AKAP19: variants seen among roughly 807,000 people sequenced by gnomAD.
AKAP19 encodes the protein small A-kinase anchoring protein.
chr2:189,920,952 T>C, the AKAP19 span, among the ~76,000 whole-genome samples: 84 of 152,340 alleles, frequency 5.5e-4, 1 homozygote, highest in South Asian at 0.017. Context: ...CAAAGTCAAT[T>C]GCTACACCTC....
chr2:189,886,802 A>T, the AKAP19 span, among the ~76,000 whole-genome samples: 1 of 152,204 alleles, frequency 6.6e-6, no homozygotes, highest in East Asian at 1.9e-4. Context: ...CATAGCAAAC[A>T]TTCAGAACTG....
the AKAP19 span, among the ~76,000 whole-genome samples, chr2:189,905,670 A>G: frequency 6.6e-6 from 1 of 152,082 alleles, no homozygotes; most frequent in Admixed American, 6.6e-5. Flanking sequence ...GCAGTACTGC[A>G]TATGAATTTC....
chr2:189,963,696 G>T, the AKAP19 span, among the ~76,000 whole-genome samples: 101 of 152,086 alleles, frequency 6.6e-4, 1 homozygote, highest in South Asian at 0.013. Context: ...ATAGGAGGTT[G>T]TCAGTTTACT....
the AKAP19 span, among the ~76,000 whole-genome samples, chr2:189,995,152 G>A: frequency 2.0e-5 from 3 of 152,144 alleles, no homozygotes; most frequent in East Asian, 5.8e-4. Context: ...TTGTTCTAGG[G>A]TATAGTTTAA....
chr2:190,199,904 T>C, the AKAP19 span: 11 of 1,613,862 alleles, frequency 6.8e-6, no homozygotes, highest in African/African-American at 4.0e-5. Flanking sequence ...TTTCCTACCA[T>C]ATATGAAGGT....
the AKAP19 span, among the ~76,000 whole-genome samples, chr2:189,934,069 C>T: frequency 2.0e-5 from 3 of 152,204 alleles, no homozygotes; most frequent in Middle Eastern, 0.01. Flanking sequence ...CCATTCTGTA[C>T]ACCTTGGTAG....
At chr2:189,982,160 T>G in the AKAP19 span, among the ~76,000 whole-genome samples, 1 of 152,202 alleles carries the variant, frequency 6.6e-6, no homozygotes, top group Non-Finnish European at 1.5e-5. Context: ...ATAGGTTTGG[T>G]CACTTTACAT....
At chr2:190,193,815 T>G in the AKAP19 span, among the ~76,000 whole-genome samples, 2 of 152,288 alleles carry the variant, frequency 1.3e-5, no homozygotes, top group Non-Finnish European at 2.9e-5. Context: ...TGTTCTTACC[T>G]ACTTCTGTCT....
the AKAP19 span, among the ~76,000 whole-genome samples, chr2:190,145,550 A>G: frequency 6.6e-6 from 1 of 152,128 alleles, no homozygotes; most frequent in Non-Finnish European, 1.5e-5. Context: ...AGATTATAAT[A>G]CCATATTTTT....
At chr2:190,125,268 C>T in the AKAP19 span, among the ~76,000 whole-genome samples, 1 of 152,092 alleles carries the variant, frequency 6.6e-6, no homozygotes, top group Non-Finnish European at 1.5e-5. Flanking sequence ...AATGTTTCAG[C>T]TGCAGATAAT....
the AKAP19 span, among the ~76,000 whole-genome samples, chr2:189,990,080 AAC>A: frequency 6.6e-6 from 1 of 152,172 alleles, no homozygotes; most frequent in African/African-American, 2.4e-5. Context: ...AAGAGAAGAA[AAC>A]ACAGTTTACT....
the AKAP19 span, among the ~76,000 whole-genome samples, chr2:190,001,766 G>A: frequency 2.0e-5 from 3 of 152,116 alleles, no homozygotes; most frequent in African/African-American, 7.2e-5. Flanking sequence ...CTTTCCACAG[G>A]ACCCTTTTAG....
chr2:189,918,392 T>C, the AKAP19 span, among the ~76,000 whole-genome samples: 3 of 152,174 alleles, frequency 2.0e-5, no homozygotes, highest in Non-Finnish European at 4.4e-5. Flanking sequence ...AATGGCTTGA[T>C]TTACCTGTCA....
the AKAP19 span, among the ~76,000 whole-genome samples, chr2:190,167,258 T>A: frequency 6.6e-6 from 1 of 152,070 alleles, no homozygotes; most frequent in African/African-American, 2.4e-5. Flanking sequence ...ACTCCCCTTT[T>A]TAAAACCATC....
chr2:190,145,337 T>C, the AKAP19 span, among the ~76,000 whole-genome samples: 2,164 of 152,302 alleles, frequency 0.014, 28 homozygotes, highest in Middle Eastern at 0.031. Context: ...AGTTTTCTAT[T>C]GTATAGATAC....
chr2:190,024,332 A>G, the AKAP19 span, among the ~76,000 whole-genome samples: 3 of 148,638 alleles, frequency 2.0e-5, no homozygotes, highest in African/African-American at 7.4e-5. Flanking sequence ...GTGTGTGTAT[A>G]TATATATATG....
the AKAP19 span, among the ~76,000 whole-genome samples, chr2:190,112,959 C>G: frequency 1.3e-5 from 2 of 151,848 alleles, no homozygotes; most frequent in Admixed American, 1.3e-4. Flanking sequence ...AAATAACTGG[C>G]CAGATTTTCT....
At chr2:190,131,888 G>A in the AKAP19 span, among the ~76,000 whole-genome samples, 3 of 152,002 alleles carry the variant, frequency 2.0e-5, no homozygotes, top group Non-Finnish European at 2.9e-5. Context: ...AAAAACACTC[G>A]GGTTTTTCTA....
chr2:190,070,446 TAAA>T, the AKAP19 span, among the ~76,000 whole-genome samples: 3 of 142,494 alleles, frequency 2.1e-5, no homozygotes, highest in East Asian at 2.0e-4. Flanking sequence ...ACTTATAGTT[TAAA>T]AAAAAAAAAA....
Sources: gnomAD v4.1 joint callset for allele counts (sites outside exome capture counted in the v4.1 genomes callset) on GRCh38, gnomAD v4.1.1 for gene constraint, MANE v1.5 for transcripts, NCBI Gene and HGNC (gene_info 2026-07-23, HGNC 2026-07-21) for gene names.